Variants in GCKR observed in about 807,000 individuals in gnomAD.
GCKR encodes the protein glucokinase regulatory protein.
GCKR carries 73 observed loss-of-function variants against 82.9 expected under a neutral mutation model. The observed-to-expected ratio is 0.88, with a 90% CI of 0.73 to 1.07. GCKR has a LOEUF of 1.07. GCKR is among the 50% of genes least tolerant of loss of function. The pLI is 0.00. For missense variants in GCKR, 784 were observed against 782.1 expected (o/e 1.00, Z -0.03); for synonymous variants, 294 against 291.8 (o/e 1.01, Z -0.08).
At chr2:27,505,553 C>T (rs1208168116) in intron 9 of GCKR, among the ~76,000 whole-genome samples, 165 bp from the exon 10 acceptor site, 1 of 152,030 alleles carries the variant, frequency 6.6e-6, no homozygotes, top group Admixed American at 6.6e-5. Context: ...GAGGCCCTTC[C>T]CCTCTTTCTA....
chr2:27,520,423 C>A (rs1163334118), intron 17 of GCKR, among the ~76,000 whole-genome samples: 1 of 152,102 alleles, frequency 6.6e-6, no homozygotes, highest in Non-Finnish European at 1.5e-5. Context: ...ATGTGAGGGA[C>A]ACAGGTCTAA....
Position 27,503,537 on chromosome 2 carries a change from GT to G in GCKR, c.670del (p.Ser224GlnfsTer6). 6.2e-7 allele frequency: 1 copy of G among 1,603,602 alleles called. No homozygotes were observed. Among genetic ancestry groups the G allele is most frequent in the East Asian group, 2.2e-5 (1 of 44,830 alleles). ...AGAAATGACCCCATTGAAGACTGGA[GT>G]TCAACATTCCGACAAGTAGCAGAGC... is the stretch of plus-strand genomic sequence containing the variant. ...MARNDPIEDW[S>X]STFRQVAERM... On this transcript the variant is annotated frameshift_variant, in exon 9 of 19. Transcript: ENST00000264717. LOFTEE classifies it high-confidence loss of function.
At chr2:27,501,070 T>G (rs1023874817) in intron 7 of GCKR, 65 bp from the exon 8 acceptor site, 13 of 1,097,682 alleles carry the variant, frequency 1.2e-5, no homozygotes, top group Non-Finnish European at 1.8e-5. Context: ...CTGATGCACT[T>G]GAGCCTTGGG....
intron 8 of GCKR, among the ~76,000 whole-genome samples, chr2:27,502,682 G>A (rs889990): frequency 1.1e-3 from 173 of 152,228 alleles, no homozygotes; most frequent in African/African-American, 4.0e-3. Context: ...CAACGGGCAT[G>A]AAATATGTGA....
chr2:27,522,603 C>A lies in GCKR; in HGVS notation c.1707+9C>A. 6.2e-7 allele frequency: 1 copy of A among 1,608,504 alleles called. No individual in the cohort carries two copies. On this transcript the variant is annotated intron_variant, in intron 18 of 18. Coordinates refer to ENST00000264717, the MANE Select transcript of GCKR (RefSeq NM_001486.4). ...CACATGAGAAGGAACAGGTATCCTG[C>A]CCACTGCTGGTCATTCAACAAATAC...
At chr2:27,517,919 G>T (rs766851582) in intron 16 of GCKR, among the ~76,000 whole-genome samples, 1 of 152,084 alleles carries the variant, frequency 6.6e-6, no homozygotes, top group Non-Finnish European at 1.5e-5. Context: ...TCTCCATCTC[G>T]TTATCATATG....
At chr2:27,507,015 A>G in intron 12 of GCKR, 130 bp downstream of exon 12, 1 of 784,134 alleles carries the variant, frequency 1.3e-6, no homozygotes, top group East Asian at 2.4e-5. Context: ...CTAAATAGGC[A>G]CTTCAGTCAA....
Position 27,497,637 on chromosome 2 carries a change from AC to A in GCKR, c.285+9del, listed in dbSNP as rs754987130. 1 of 1,578,662 alleles carries A rather than the reference AC, an allele frequency of 6.3e-7. No homozygotes were observed. Reference sequence around the variant, plus strand: ...AGTTCAGGAAGTGCTGAAGGTACTAACCTTCCTTCTGTTCCCTGCCTAAACT... The same window carrying A: ...AGTTCAGGAAGTGCTGAAGGTACTAACTTCCTTCTGTTCCCTGCCTAAACT... On this transcript the variant is annotated splice_region_variant and intron_variant, in intron 3 of 18. Coordinates refer to ENST00000264717, the MANE Select transcript of GCKR (RefSeq NM_001486.4).
At chr2:27,504,897 G>A (rs913317044) in intron 9 of GCKR, among the ~76,000 whole-genome samples, 24 of 151,866 alleles carry the variant, frequency 1.6e-4, no homozygotes, top group African/African-American at 5.1e-4. Context: ...AGGCCAAGGC[G>A]GGCAGATGAC....
chr2:27,499,026 G>A (rs1009741104), intron 5 of GCKR, 116 bp from the exon 6 acceptor site: 9 of 753,582 alleles, frequency 1.2e-5, no homozygotes, highest in Non-Finnish European at 2.2e-5. Flanking sequence ...CAAACTGTGG[G>A]TGCTCATTCA....
At chr2:27,520,865 G>A (rs924694247) in intron 17 of GCKR, among the ~76,000 whole-genome samples, 108 of 151,802 alleles carry the variant, frequency 7.1e-4, no homozygotes, top group African/African-American at 1.9e-3. Flanking sequence ...GTGAAACCCC[G>A]TCTCTACTAA....
intron 16 of GCKR, among the ~76,000 whole-genome samples, chr2:27,514,748 A>G (rs1669964879): frequency 6.6e-6 from 1 of 152,200 alleles, no homozygotes; most frequent in Admixed American, 6.5e-5. Context: ...AAATTCCTAG[A>G]AGTATTAGAG....
chr2:27,506,955 C>T (rs1572865801), intron 12 of GCKR, 70 bp downstream of exon 12: 1 of 1,008,696 alleles, frequency 9.9e-7, no homozygotes, highest in East Asian at 2.4e-5. Context: ...TCTCCAAACA[C>T]TGTCCTACTC....
In GCKR at chr2:27,503,564, G is replaced by A. The variant is rs766471787; in HGVS notation, c.695G>A (p.Arg232Gln). Reference protein sequence around the residue: ...WSSTFRQVAERMQKMQEKQKA... With the variant: ...WSSTFRQVAEQMQKMQEKQKA... The stretch of plus-strand genomic sequence containing the variant: ...TCAACATTCCGACAAGTAGCAGAGC[G>A]GATGCAGAAAATGCAGGAGAAACAG... The change falls in exon 9 of 19, where the codon CGG becomes CAG. Residue 232 changes from arginine (R) to glutamine (Q), a missense_variant. Transcript: ENST00000264717. 9.3e-6 allele frequency: 15 copies of A among 1,611,684 alleles called. No individual in the cohort carries two copies. The highest frequency in any genetic ancestry group is 2.2e-5 in the East Asian group (1 of 44,862).
chr2:27,521,971 G>GT (rs1215350150), intron 17 of GCKR, among the ~76,000 whole-genome samples: 1 of 152,020 alleles, frequency 6.6e-6, no homozygotes, highest in East Asian at 1.9e-4. Flanking sequence ...TAATCCTCCT[G>GT]TTTTGACCTC....
At chr2:27,511,894 A>C (rs536219901) in intron 16 of GCKR, among the ~76,000 whole-genome samples, 4 of 152,200 alleles carry the variant, frequency 2.6e-5, no homozygotes, top group African/African-American at 9.6e-5. Context: ...TTCATCAATT[A>C]TTAACATTTT....
intron 18 of GCKR, among the ~76,000 whole-genome samples, chr2:27,522,897 GT>G (rs34507360): frequency 0.52 from 70,644 of 134,664 alleles, 17,330 homozygotes; most frequent in South Asian, 0.66. Context: ...CCAGGGTTCT[GT>G]TTTTTTTTTT....
rs61734462 is a variant in GCKR, at chr2:27,505,789, A to G, written c.822A>G (p.Leu274=). The change falls in exon 10 of 19, where the codon TTA becomes TTG. Residue 274 remains leucine (L), a synonymous_variant. Transcript: ENST00000264717. ...SATKILLETL[L]LAAHKTVDQG... is the part of the protein sequence containing the mutation. Reference sequence around the variant, plus strand: ...CCAAGATTCTGCTGGAAACCCTGTTATTAGCAGCCCATAAGACTGTGGACC... The same window carrying G: ...CCAAGATTCTGCTGGAAACCCTGTTGTTAGCAGCCCATAAGACTGTGGACC... 1.5e-4 allele frequency: 242 copies of G among 1,609,898 alleles called. 2 individuals are homozygous for G. In the African/African-American group the frequency reaches 2.8e-3, roughly 19 times the overall value.
chr2:27,497,656 C>G lies in GCKR; in HGVS notation c.285+26C>G, dbSNP rs895961479. The stretch of plus-strand genomic sequence containing the variant: ...GTACTAACCTTCCTTCTGTTCCCTG[C>G]CTAAACTTTTCTGTTTCCCTCTTTC... On this transcript the variant is annotated intron_variant, in intron 3 of 18. Coordinates refer to ENST00000264717, the MANE Select transcript of GCKR (RefSeq NM_001486.4). 5 of 1,445,504 alleles carry G rather than the reference C, an allele frequency of 3.5e-6. No individual in the cohort carries two copies. The Admixed American group carries it at 5.0e-5, about 15-fold the overall frequency. The allele number at this position is 1,445,504 out of a possible 1,614,324, so 89.5% of individuals were successfully genotyped here. A position where few individuals can be genotyped will look rare whatever the true frequency, so the allele number is the denominator to read the frequency against.
Sources: allele counts gnomAD v4.1 joint callset (sites outside exome capture counted in the v4.1 genomes callset), GRCh38; gene constraint gnomAD v4.1.1; transcripts MANE v1.5; gene names NCBI Gene and HGNC (gene_info 2026-07-23, HGNC 2026-07-21).